CDH13: variants seen among roughly 807,000 people sequenced by gnomAD.
The protein encoded by CDH13 is cadherin 13.
CDH13 carries 24 observed loss-of-function variants against 63.8 expected under a neutral mutation model. The observed-to-expected ratio is 0.38, with a 90% CI of 0.27 to 0.53. CDH13 has a LOEUF of 0.53. Ranked by LOEUF, CDH13 falls within the 20% of genes least tolerant of loss-of-function variation. CDH13 has a pLI of 0.85. For missense variants in CDH13, 1,049 were observed against 903.1 expected (o/e 1.16, Z -2.07); for synonymous variants, 503 against 355.3 (o/e 1.42, Z -4.67).
intron 6 of CDH13, among the ~76,000 whole-genome samples, chr16:83,455,233 C>G (rs917825273): frequency 1.3e-5 from 2 of 152,102 alleles, no homozygotes. Context: ...ACAACTTGGA[C>G]CATGTGGAGT....
At chr16:82,704,652 T>A (rs559908227) in intron 1 of CDH13, among the ~76,000 whole-genome samples, 1 of 151,594 alleles carries the variant, frequency 6.6e-6, no homozygotes, top group East Asian at 1.9e-4. Context: ...GCCTGGGGGG[T>A]CCAGGAAGGT....
At chr16:82,873,522 C>G (rs1012991014) in intron 2 of CDH13, among the ~76,000 whole-genome samples, 2 of 152,060 alleles carry the variant, frequency 1.3e-5, no homozygotes, top group Non-Finnish European at 2.9e-5. Flanking sequence ...GTGTGGGCTC[C>G]TAGGTTATAT....
At chr16:82,915,218 A>G (rs1342256840) in intron 2 of CDH13, among the ~76,000 whole-genome samples, 1 of 152,166 alleles carries the variant, frequency 6.6e-6, no homozygotes, top group Non-Finnish European at 1.5e-5. Context: ...TGTCCTTTTT[A>G]TGGTCAATCA....
intron 4 of CDH13, among the ~76,000 whole-genome samples, chr16:83,131,344 C>T (rs911281547): frequency 1.3e-5 from 2 of 152,174 alleles, no homozygotes; most frequent in African/African-American, 4.8e-5. Context: ...AGGTAAAACA[C>T]CCAGTCGTGA....
intron 7 of CDH13, among the ~76,000 whole-genome samples, chr16:83,520,809 A>T (rs1302905633): frequency 6.6e-6 from 1 of 152,154 alleles, no homozygotes; most frequent in Non-Finnish European, 1.5e-5. Flanking sequence ...GAGGGACACC[A>T]GCCAGGGACA....
chr16:83,125,322 G>A (rs546427968), intron 3 of CDH13, 63 bp from the exon 4 acceptor site: 157 of 885,704 alleles, frequency 1.8e-4, no homozygotes, highest in South Asian at 1.2e-3. Context: ...ACTCTATCTC[G>A]GAGCAGACTG....
At chr16:83,472,014 C>T (rs967826237) in intron 6 of CDH13, among the ~76,000 whole-genome samples, 2 of 152,206 alleles carry the variant, frequency 1.3e-5, no homozygotes, top group Admixed American at 6.5e-5. Flanking sequence ...GCTTCTTTAT[C>T]AAACGTGGTG....
intron 13 of CDH13, among the ~76,000 whole-genome samples, chr16:83,784,865 C>G (rs1221453657): frequency 1.3e-5 from 2 of 152,172 alleles, no homozygotes; most frequent in African/African-American, 4.8e-5. Context: ...TTCCATCCAT[C>G]CCTGCCTCCA....
intron 5 of CDH13, among the ~76,000 whole-genome samples, chr16:83,292,645 G>A (rs1352081267): frequency 6.6e-6 from 1 of 152,072 alleles, no homozygotes; most frequent in Non-Finnish European, 1.5e-5. Context: ...CAATTTCTTT[G>A]GGGTGATAAA....
chr16:83,058,477 C>T (rs190239687), intron 3 of CDH13, among the ~76,000 whole-genome samples: 17 of 152,254 alleles, frequency 1.1e-4, no homozygotes, highest in Admixed American at 9.8e-4. Flanking sequence ...TTCTTGTGAC[C>T]TCACTGATGA....
At chr16:82,958,284 A>C (rs191334541) in intron 2 of CDH13, among the ~76,000 whole-genome samples, 166 of 152,300 alleles carry the variant, frequency 1.1e-3, no homozygotes, top group Non-Finnish European at 1.9e-3. Context: ...AGTGCTTAAA[A>C]CTGTGTCTGA....
At chr16:82,783,684 C>T (rs1243461873) in intron 1 of CDH13, among the ~76,000 whole-genome samples, 1 of 152,210 alleles carries the variant, frequency 6.6e-6, no homozygotes, top group Non-Finnish European at 1.5e-5. Context: ...AGTGAGAGGA[C>T]TTCTCGGCTA....
intron 10 of CDH13, among the ~76,000 whole-genome samples, chr16:83,732,398 G>T (rs1213501621): frequency 3.3e-5 from 5 of 152,178 alleles, no homozygotes; most frequent in African/African-American, 1.2e-4. Flanking sequence ...GCTAGCTTTG[G>T]ACTGGGGAAC....
At chr16:82,991,250 C>T (rs1197992423) in intron 2 of CDH13, among the ~76,000 whole-genome samples, 3 of 152,174 alleles carry the variant, frequency 2.0e-5, no homozygotes, top group Non-Finnish European at 4.4e-5. Flanking sequence ...ATCACACGCT[C>T]TTAGGTATTA....
At chr16:83,096,485 G>C (rs1362271006) in intron 3 of CDH13, among the ~76,000 whole-genome samples, 2 of 152,208 alleles carry the variant, frequency 1.3e-5, no homozygotes, top group African/African-American at 2.4e-5. Flanking sequence ...AAAAATGAAA[G>C]TGCAATTACA....
intron 8 of CDH13, among the ~76,000 whole-genome samples, chr16:83,622,210 A>T (rs1261894352): frequency 1.3e-5 from 2 of 152,186 alleles, no homozygotes; most frequent in East Asian, 3.9e-4. Context: ...ACAGATGAGG[A>T]AACTGAGGCA....
At chr16:83,379,940 G>T (rs59230805) in intron 6 of CDH13, among the ~76,000 whole-genome samples, 16,902 of 73,442 alleles carry the variant, frequency 0.23, 1,126 homozygotes, top group African/African-American at 0.35. Flanking sequence ...TATATATATA[G>T]AGAGAGAGAG....
At chr16:83,556,985 G>A (rs995567846) in intron 7 of CDH13, among the ~76,000 whole-genome samples, 18 of 152,222 alleles carry the variant, frequency 1.2e-4, no homozygotes, top group Non-Finnish European at 2.1e-4. Flanking sequence ...CCCCAGGCCT[G>A]TAGGAACCAG....
chr16:83,281,784 G>A (rs975895183), intron 5 of CDH13, among the ~76,000 whole-genome samples: 4 of 151,252 alleles, frequency 2.6e-5, no homozygotes, highest in Non-Finnish European at 4.4e-5. Context: ...GTGGTGGCGC[G>A]CACCTGTAAT....
Sources: gnomAD v4.1 joint callset for allele counts (sites outside exome capture counted in the v4.1 genomes callset) on GRCh38, gnomAD v4.1.1 for gene constraint, MANE v1.5 for transcripts, NCBI Gene and HGNC (gene_info 2026-07-23, HGNC 2026-07-21) for gene names.